The following PKD1L3 variants were observed in gnomAD, a reference collection of about 807,000 sequenced individuals.
The protein encoded by PKD1L3 is polycystin 1 like 3, transient receptor potential channel interacting, also known as polycystin-1-like protein 3.
PKD1L3 carries 239 observed loss-of-function variants against 184.1 expected under a neutral mutation model. That is an observed-to-expected ratio of 1.30 (90% CI 1.17 to 1.45). The LOEUF (loss-of-function observed/expected upper bound fraction) is 1.45, where lower values mean the gene tolerates loss of function less well. PKD1L3 is among the 40% of genes most tolerant of loss of function. The pLI, the probability that PKD1L3 is intolerant of heterozygous loss-of-function variation, is 0.00. For missense variants in PKD1L3, 2,660 were observed against 2,067.2 expected, an observed-to-expected ratio of 1.29 and a Z score of -5.56; for synonymous variants, 996 against 778.8, an observed-to-expected ratio of 1.28 and a Z score of -4.64.
At chr16:71,994,065 C>CG (rs2040692602) in intron 2 of PKD1L3, among the ~76,000 whole-genome samples, 1 of 152,224 alleles carries the variant, frequency 6.6e-6, no homozygotes, top group African/African-American at 2.4e-5. Context: ...CCACCACGCC[C>CG]GTCTGGCAAT....
intron 19 of PKD1L3, among the ~76,000 whole-genome samples, chr16:71,950,520 A>G (rs761631060): frequency 5.3e-5 from 8 of 152,130 alleles, no homozygotes; most frequent in Non-Finnish European, 1.2e-4. Context: ...GCTTTGATCT[A>G]AAGACTTTTA....
At chr16:71,979,358 C>T (rs2040059309) in intron 9 of PKD1L3, among the ~76,000 whole-genome samples, 1 of 152,072 alleles carries the variant, frequency 6.6e-6, no homozygotes, top group Admixed American at 6.6e-5. Context: ...GCAGGGGAAT[C>T]GCTTGAACCT....
chr16:71,930,037 C>G lies in PKD1L3; in HGVS notation c.5058+15G>C. Reference sequence around the variant, plus strand: ...GTGATATAACAGCATGCTAGTTTATCTTTTAGTTACCTACCTTAAGCGACT... The same window carrying G: ...GTGATATAACAGCATGCTAGTTTATGTTTTAGTTACCTACCTTAAGCGACT... On this transcript the variant is annotated intron_variant, in intron 29 of 29. Transcript: ENST00000620267. The G allele has an allele frequency of 6.5e-7, 1 of 1,544,066 alleles. No individual in the cohort carries two copies. The highest frequency in any genetic ancestry group is 8.7e-7 in the Non-Finnish European group (1 of 1,144,216).
chr16:71,983,797 G>A (rs1264619218), intron 6 of PKD1L3, among the ~76,000 whole-genome samples: 1 of 149,516 alleles, frequency 6.7e-6, no homozygotes, highest in Non-Finnish European at 1.5e-5. Flanking sequence ...CCAAGTAGCT[G>A]AGATTACAGG....
At chr16:71,946,006 T>G (rs889515265) in intron 22 of PKD1L3, among the ~76,000 whole-genome samples, 2 of 152,208 alleles carry the variant, frequency 1.3e-5, no homozygotes, top group African/African-American at 4.8e-5. Context: ...TCACCCAGGC[T>G]GGAGTACGAT....
Position 71,980,012 on chromosome 16 carries a change from C to T in PKD1L3, c.1266G>A (p.Leu422=). 8 of 1,552,126 alleles carry T rather than the reference C, an allele frequency of 5.2e-6. No individual in the cohort carries two copies. The highest frequency in any genetic ancestry group is 1.7e-4 in the Middle Eastern group (1 of 5,998). The change falls in exon 8 of 30, where the codon CTG becomes CTA. Residue 422 remains leucine (L), a synonymous_variant. Coordinates refer to ENST00000620267, the MANE Select transcript of PKD1L3 (RefSeq NM_181536.2). ...TLTSANATLL[L]SRQNISTLPL... is the part of the protein sequence containing the mutation. ...CGTTCCTTCTTCCCATTAACCTGCTCAGCAGCAGAGTAGCATTGGCAGAGG... is the reference window on the plus strand; with the variant it reads ...CGTTCCTTCTTCCCATTAACCTGCTTAGCAGCAGAGTAGCATTGGCAGAGG...
In PKD1L3 at chr16:71,970,056, AGGT is replaced by A; in HGVS notation, c.2000_2002del (p.His667del). On this transcript the variant is annotated inframe_deletion, in exon 13 of 30. Transcript: ENST00000620267. ...AAAGAAGTCGCTGGCAAAGAAGGTC[AGGT>A]GGTTACAGAGACACTGTGTCCTCAG... The A allele has an allele frequency of 6.4e-7, 1 of 1,551,674 alleles. No individual in the cohort carries two copies. Among genetic ancestry groups the A allele is most frequent in the Non-Finnish European group, 8.7e-7 (1 of 1,146,962 alleles).
intron 11 of PKD1L3, among the ~76,000 whole-genome samples, chr16:71,976,534 G>C (rs574625291): frequency 2.6e-5 from 4 of 152,100 alleles, no homozygotes; most frequent in South Asian, 2.1e-4. Context: ...TGGGGTTACA[G>C]GTATGAGCCA....
intron 4 of PKD1L3, among the ~76,000 whole-genome samples, chr16:71,989,419 C>A (rs1033026503): frequency 6.6e-6 from 1 of 152,260 alleles, no homozygotes; most frequent in East Asian, 1.9e-4. Flanking sequence ...TCCCAAAGGG[C>A]TGGGATTACG....
intron 11 of PKD1L3, among the ~76,000 whole-genome samples, chr16:71,975,959 T>C (rs1020252225): frequency 9.3e-5 from 14 of 149,996 alleles, no homozygotes; most frequent in Non-Finnish European, 8.9e-5. Flanking sequence ...TTTCTGTTCT[T>C]TTTTTTTTTT....
chr16:71,985,418 G>T (rs1346251891), intron 5 of PKD1L3, among the ~76,000 whole-genome samples: 1 of 152,090 alleles, frequency 6.6e-6, no homozygotes, highest in Non-Finnish European at 1.5e-5. Context: ...ACTGTCAAAG[G>T]GACTTTGCCT....
intron 16 of PKD1L3, among the ~76,000 whole-genome samples, chr16:71,958,612 C>G (rs1301668509): frequency 6.7e-6 from 1 of 150,298 alleles, no homozygotes; most frequent in Non-Finnish European, 1.5e-5. Flanking sequence ...GAAACCCCAT[C>G]TCTACTAAAA....
At chr16:71,992,843 C>T (rs982811425) in intron 3 of PKD1L3, among the ~76,000 whole-genome samples, 24 of 152,254 alleles carry the variant, frequency 1.6e-4, no homozygotes, top group African/African-American at 4.1e-4. Flanking sequence ...TATTGATTGC[C>T]GTCATTTCAG....
chr16:72,000,284 A>C lies in PKD1L3; in HGVS notation c.-306T>G, dbSNP rs2040922025. Among the ~76,000 whole-genome samples the C allele has an allele frequency of 6.6e-6, 1 of 152,188 alleles. No homozygotes were observed. Among genetic ancestry groups the C allele is most frequent in the Non-Finnish European group, 1.5e-5 (1 of 68,038 alleles). On this transcript the variant is annotated 5_prime_UTR_variant, in exon 1 of 30. Coordinates refer to ENST00000620267, the MANE Select transcript of PKD1L3 (RefSeq NM_181536.2). ...GCTGAGTCTAAGCTGCACTGGGTAG[A>C]GGATGATGAATATCTAACATCTAAG...
intron 12 of PKD1L3, among the ~76,000 whole-genome samples, chr16:71,972,234 C>CA (rs145226854): frequency 0.062 from 9,225 of 149,156 alleles, 941 homozygotes; most frequent in African/African-American, 0.21. Context: ...CACAAAAAAA[C>CA]AAAAAAAAAC....
chr16:71,960,541 T>TAA (rs376645479), intron 16 of PKD1L3, among the ~76,000 whole-genome samples: 4 of 140,160 alleles, frequency 2.9e-5, no homozygotes, highest in African/African-American at 1.0e-4. Context: ...ACCTATATAA[T>TAA]AAAAAAAAAA....
intron 1 of PKD1L3, among the ~76,000 whole-genome samples, chr16:71,998,854 A>G (rs1477446910): frequency 6.6e-6 from 1 of 152,168 alleles, no homozygotes. Flanking sequence ...ATTTTTTCAT[A>G]TGTGTTCCTT....
In PKD1L3 at chr16:71,951,671, C is replaced by T. The variant is rs1437848638; in HGVS notation, c.3083G>A (p.Trp1028Ter). ...YLLSKCEQPPWSSWDITKLVK... is the reference protein window; with the variant it reads ...YLLSKCEQPP The stretch of plus-strand genomic sequence containing the variant: ...CAGCTTAGTAATGTCCCAAGAACTC[C>T]ATGGCGGCTGCTCACACTTGGAGAG... Residue 1028 changes from tryptophan to a stop codon, truncating the protein, a stop_gained, in exon 19 of 30, where the codon TGG becomes TAG. Coordinates refer to ENST00000620267, the MANE Select transcript of PKD1L3 (RefSeq NM_181536.2). LOFTEE classifies it high-confidence loss of function. 1.3e-6 allele frequency: 2 copies of T among 1,551,684 alleles called. No individual in the cohort carries two copies. The highest frequency in any genetic ancestry group is 1.7e-6 in the Non-Finnish European group (2 of 1,146,970).
rs1389025080 is a variant in PKD1L3 at position 71,942,799 on chromosome 16, C to G, written c.4085G>C (p.Gly1362Ala). ...GGGTATTTGGAAAATTAATTGTACC[C>G]CACATTTGCAATGACTGGGCTCCAG... is the stretch of plus-strand genomic sequence containing the variant. ...AVLEPSHCKC[G>A]VQLIFQIPRT... The change falls in exon 24 of 30, where the codon GGG (glycine) becomes GCG (alanine). Residue 1362 changes from glycine (G) to alanine (A), a missense_variant. By Grantham distance (60) the Gly-to-Ala change is moderately conservative. Transcript: ENST00000620267. The G allele has an allele frequency of 1.9e-6, 3 of 1,551,420 alleles. No individual in the cohort carries two copies. The highest frequency in any genetic ancestry group is 2.6e-6 in the Non-Finnish European group (3 of 1,146,948).
Sources: allele counts gnomAD v4.1 joint callset (sites outside exome capture counted in the v4.1 genomes callset), GRCh38; gene constraint gnomAD v4.1.1; transcripts MANE v1.5; gene names NCBI Gene and HGNC (gene_info 2026-07-23, HGNC 2026-07-21).